ANKRD11: variants seen among roughly 807,000 people sequenced by gnomAD.
ANKRD11 encodes ankyrin repeat domain-containing protein 11.
Under a neutral mutation model 195.7 loss-of-function variants are expected in ANKRD11, and 17 were observed. The observed-to-expected ratio is 0.09, with a 90% CI of 0.06 to 0.13. The LOEUF is 0.13. Ranked by LOEUF, ANKRD11 falls within the 10% of genes least tolerant of loss-of-function variation. ANKRD11 has a pLI of 1.00. For missense variants in ANKRD11, 3,735 were observed against 3,566.1 expected (o/e 1.05, Z -1.21); for synonymous variants, 1,953 against 1,528.1 (o/e 1.28, Z -6.49).
rs144558200 is a variant in ANKRD11, at chr16:89,316,543, AT to A, written c.87+389del. Among the ~76,000 whole-genome samples the A allele has an allele frequency of 1.0e-3, 152 of 152,294 alleles. 1 individual carries two copies. In the East Asian group the frequency reaches 0.021, roughly 21 times the overall value. Reference sequence around the variant, plus strand: ...ATTGGCATCCCATTTTCCTATTCACATTTAGAATAAACCACAGTTGGAAGTA... The same window carrying A: ...ATTGGCATCCCATTTTCCTATTCACATTAGAATAAACCACAGTTGGAAGTA... On this transcript the variant is annotated intron_variant, in intron 3 of 12. Coordinates refer to ENST00000301030, the MANE Select transcript of ANKRD11 (RefSeq NM_013275.6).
At chr16:89,485,694 A>G (rs1039689948) in intron 1 of ANKRD11, among the ~76,000 whole-genome samples, 1 of 152,208 alleles carries the variant, frequency 6.6e-6, no homozygotes, top group Non-Finnish European at 1.5e-5. Context: ...TTTCATTTAC[A>G]AAGAAACTTT....
chr16:89,308,876 C>T (rs927667598), intron 3 of ANKRD11, among the ~76,000 whole-genome samples: 1 of 152,070 alleles, frequency 6.6e-6, no homozygotes, highest in South Asian at 2.1e-4. Context: ...AAATGGGGTG[C>T]GCGCAGTAAA....
intron 2 of ANKRD11, among the ~76,000 whole-genome samples, chr16:89,414,446 C>T (rs2042217206): frequency 6.6e-6 from 1 of 152,216 alleles, no homozygotes; most frequent in African/African-American, 2.4e-5. Flanking sequence ...CCTGAGAGGA[C>T]TAACCCTTCT....
chr16:89,293,419 G>A (rs2035194450), intron 4 of ANKRD11, among the ~76,000 whole-genome samples: 3 of 151,896 alleles, frequency 2.0e-5, no homozygotes, highest in South Asian at 2.1e-4. Context: ...GTTGCGGAGG[G>A]AGGAGCTGGG....
chr16:89,352,286 C>T (rs75032755), intron 2 of ANKRD11, among the ~76,000 whole-genome samples: 1 of 151,878 alleles, frequency 6.6e-6, no homozygotes, highest in East Asian at 1.9e-4. Context: ...TCACAGTGGC[C>T]AGGTATGCAT....
In ANKRD11 at chr16:89,280,044, C is replaced by A. The variant is rs748812288; in HGVS notation, c.6498G>T (p.Met2166Ile). The A allele has an allele frequency of 3.7e-6, 6 of 1,612,912 alleles. 1 individual carries two copies. The South Asian group carries it at 5.5e-5, about 15-fold the overall frequency. Residue 2166 changes from methionine (M) to isoleucine (I), a missense_variant, in exon 9 of 13, where the codon ATG (methionine) becomes ATT (isoleucine). Met to Ile is a conservative substitution (Grantham distance 10). Transcript: ENST00000301030. ...VEESLAPPEE[M>I]PPGAPGVING... ...TTATGACCCCGGGGGCCCCTGGAGG[C>A]ATCTCTTCTGGAGGAGCAAGACTTT... is the stretch of plus-strand genomic sequence containing the variant.
Position 89,458,628 on chromosome 16 carries a change from G to A in ANKRD11, c.-145+31617C>T, listed in dbSNP as rs145257733. 7.0e-3 allele frequency among the ~76,000 whole-genome samples: 1,063 copies of A among 152,282 alleles called. 45 individuals carry two copies. Among genetic ancestry groups the A allele is most frequent in the Admixed American group, 0.06 (913 of 15,294 alleles). On this transcript the variant is annotated intron_variant, in intron 1 of 12. Coordinates refer to ENST00000301030, the MANE Select transcript of ANKRD11 (RefSeq NM_013275.6). ...CCACTGGAAGGCTGAACATCACTCT[G>A]GCAAGTTCAGACATGTTCCATTAAT...
At chr16:89,391,568 C>CT (rs1328937238) in intron 2 of ANKRD11, among the ~76,000 whole-genome samples, 1 of 152,204 alleles carries the variant, frequency 6.6e-6, no homozygotes, top group East Asian at 1.9e-4. Flanking sequence ...AAGGAAAAAT[C>CT]TGAGTTTTCC....
At chr16:89,464,919 T>C (rs1420472059) in intron 1 of ANKRD11, among the ~76,000 whole-genome samples, 1 of 152,232 alleles carries the variant, frequency 6.6e-6, no homozygotes, top group Non-Finnish European at 1.5e-5. Context: ...ATTACTATGA[T>C]GGGGAAACCA....
At chr16:89,401,240 G>T (rs893293172) in intron 2 of ANKRD11, among the ~76,000 whole-genome samples, 1 of 151,996 alleles carries the variant, frequency 6.6e-6, no homozygotes, top group Non-Finnish European at 1.5e-5. Context: ...CACCACGCCC[G>T]GCTAACATTT....
In ANKRD11 at chr16:89,280,340, T is replaced by A; in HGVS notation, c.6202A>T (p.Asn2068Tyr). 2 of 1,578,534 alleles carry A rather than the reference T, an allele frequency of 1.3e-6. No homozygotes were observed. Among genetic ancestry groups the A allele is most frequent in the Non-Finnish European group, 1.7e-6 (2 of 1,162,374 alleles). Reference sequence around the variant, plus strand: ...GGGGCTTCCGGAAGTGACTTGCAGTTGCTGAAGAAGGACTCCAGCCCGGAG... The same window carrying A: ...GGGGCTTCCGGAAGTGACTTGCAGTAGCTGAAGAAGGACTCCAGCCCGGAG... ...PPSGLESFFSNCKSLPEAPLD... is the reference protein window; with the variant it reads ...PPSGLESFFSYCKSLPEAPLD... Residue 2068 changes from asparagine (N) to tyrosine (Y), a missense_variant, in exon 9 of 13, where the codon AAC becomes TAC. By Grantham distance (143) the Asn-to-Tyr change is moderately radical. Transcript: ENST00000301030.
chr16:89,364,301 G>A (rs959800746), intron 2 of ANKRD11, among the ~76,000 whole-genome samples: 1 of 152,162 alleles, frequency 6.6e-6, no homozygotes, highest in Non-Finnish European at 1.5e-5. Context: ...TCCCAGGTAT[G>A]ACCAGCAGAA....
At chr16:89,305,000 G>C (rs1225724722) in intron 4 of ANKRD11, 1 of 723,872 alleles carries the variant, frequency 1.4e-6, no homozygotes. Flanking sequence ...TCTCCAATCG[G>C]CCCCATGGGC....
At chr16:89,380,348 G>T (rs1287943262) in intron 2 of ANKRD11, among the ~76,000 whole-genome samples, 1 of 152,146 alleles carries the variant, frequency 6.6e-6, no homozygotes, top group African/African-American at 2.4e-5. Flanking sequence ...CTGACCTCAG[G>T]TGATCCACCC....
chr16:89,317,429 G>A (rs2037031645), intron 2 of ANKRD11, among the ~76,000 whole-genome samples: 1 of 152,198 alleles, frequency 6.6e-6, no homozygotes, highest in Non-Finnish European at 1.5e-5. Context: ...AAACGGTCAG[G>A]CACCACAAGG....
At chr16:89,411,261 A>G (rs2042101239) in intron 2 of ANKRD11, among the ~76,000 whole-genome samples, 1 of 152,160 alleles carries the variant, frequency 6.6e-6, no homozygotes, top group African/African-American at 2.4e-5. Flanking sequence ...TTTTTGCTCT[A>G]CTTCTCTTTC....
chr16:89,364,579 T>C (rs1804232519), intron 2 of ANKRD11, among the ~76,000 whole-genome samples: 1 of 152,210 alleles, frequency 6.6e-6, no homozygotes, highest in African/African-American at 2.4e-5. Context: ...TCCAATCTTT[T>C]GACCTCCCTG....
intron 2 of ANKRD11, among the ~76,000 whole-genome samples, chr16:89,319,534 C>T (rs1437372145): frequency 6.6e-6 from 1 of 152,250 alleles, no homozygotes; most frequent in Non-Finnish European, 1.5e-5. Flanking sequence ...CAGGCCGTGG[C>T]CCTTCCAGGA....
chr16:89,269,981 C>G (rs539552438), intron 12 of ANKRD11: 6 of 152,332 alleles, frequency 3.9e-5, no homozygotes, highest in African/African-American at 1.2e-4. Context: ...AGTTTTTTCT[C>G]ACGGCTCTGG....
Sources: gnomAD v4.1 joint callset for allele counts (sites outside exome capture counted in the v4.1 genomes callset) on GRCh38, gnomAD v4.1.1 for gene constraint, MANE v1.5 for transcripts, NCBI Gene and HGNC (gene_info 2026-07-23, HGNC 2026-07-21) for gene names.